PDS5A: variants seen among roughly 807,000 people sequenced by gnomAD.
PDS5A encodes the protein sister chromatid cohesion protein PDS5 homolog A.
Under a neutral mutation model 167.1 loss-of-function variants are expected in PDS5A, and 42 were observed. That is an observed-to-expected ratio of 0.25 (90% confidence interval 0.20 to 0.33). The LOEUF (loss-of-function observed/expected upper bound fraction) is 0.33, where lower values mean the gene tolerates loss of function less well. PDS5A is among the 10% of genes least tolerant of loss of function. The pLI is 1.00. For synonymous variants in PDS5A, 553 were observed against 554.6 expected, an observed-to-expected ratio of 1.00 and a Z score of 0.04; for missense variants, 1,033 against 1,605.9, an observed-to-expected ratio of 0.64 and a Z score of 6.10.
chr4:39,930,236 A>C lies in PDS5A; in HGVS notation c.139-2072T>G, dbSNP rs1463363350. Among the ~76,000 whole-genome samples the C allele has an allele frequency of 1.0e-3, 129 of 129,254 alleles. 5 individuals are homozygous for C. The highest frequency in any genetic ancestry group is 2.0e-3 in the Non-Finnish European group (116 of 57,112). 84.8% of individuals were successfully genotyped at this position (129,254 alleles called of 152,430 possible). The stretch of plus-strand genomic sequence containing the variant: ...ATCTCAAAAAAAAAAAAAAAAAAAA[A>C]AAAAAAAAAAGTTTTTTTGTTTTTT... On this transcript the variant is annotated intron_variant, in intron 2 of 32. Coordinates refer to ENST00000303538, the MANE Select transcript of PDS5A (RefSeq NM_001100399.2).
chr4:39,906,660 T>C (rs1723377029), intron 11 of PDS5A, among the ~76,000 whole-genome samples: 1 of 150,790 alleles, frequency 6.6e-6, no homozygotes, highest in African/African-American at 2.4e-5. Context: ...TGGGAGCCTG[T>C]AGTACCAGCT....
In PDS5A at chr4:39,845,803, TTAAGTAAATAA is replaced by T; in HGVS notation, c.3402+4_3402+14del. 7.2e-7 allele frequency: 1 copy of T among 1,393,744 alleles called. No homozygotes were observed. Among genetic ancestry groups the T allele is most frequent in the African/African-American group, 1.5e-5 (1 of 65,718 alleles). 86.3% of individuals were successfully genotyped at this position (1,393,744 alleles called of 1,614,324 possible). ...ACATGAAACAAAGATCTCAAAATTA[TTAAGTAAATAA>T]TACCTTTCCTGTTAACAGAAGTACT... is the stretch of plus-strand genomic sequence containing the variant. On this transcript the variant is annotated splice_donor_5th_base_variant and intron_variant, in intron 29 of 32. Transcript: ENST00000303538.
intron 2 of PDS5A, chr4:39,973,747 C>G (rs572988616): frequency 1.5e-6 from 2 of 1,290,622 alleles, no homozygotes; most frequent in Admixed American, 1.7e-5. Context: ...GGCAAGTGTA[C>G]GAGCTGTGCC....
At chr4:39,888,578 A>AT (rs1721687924) in intron 17 of PDS5A, among the ~76,000 whole-genome samples, 1 of 152,134 alleles carries the variant, frequency 6.6e-6, no homozygotes, top group South Asian at 2.1e-4. Context: ...AATGTGGTAT[A>AT]TATGTACAAT....
At chr4:39,971,135 G>A (rs763315199) in intron 2 of PDS5A, among the ~76,000 whole-genome samples, 7 of 151,374 alleles carry the variant, frequency 4.6e-5, no homozygotes, top group Admixed American at 1.3e-4. Context: ...CTTTGTAATT[G>A]CCTTTAAGAT....
chr4:39,964,360 A>G (rs1413632215), intron 2 of PDS5A, among the ~76,000 whole-genome samples: 1 of 152,162 alleles, frequency 6.6e-6, no homozygotes, highest in African/African-American at 2.4e-5. Context: ...AATAAGGGGG[A>G]TGTATTTCTC....
chr4:39,884,253 G>A (rs189993805), intron 17 of PDS5A, among the ~76,000 whole-genome samples: 53 of 152,148 alleles, frequency 3.5e-4, no homozygotes, highest in African/African-American at 1.2e-3. Flanking sequence ...CAAGATTGGC[G>A]CTGTCTACAC....
In PDS5A at chr4:39,874,416, C is replaced by CA; in HGVS notation, c.2154-5dup. The stretch of plus-strand genomic sequence containing the variant: ...ATGTAAAATGGGAATTAAGGTCCTG[C>CA]AAAAAATAATATAGTTGTTTTTTTT... On this transcript the variant is annotated splice_polypyrimidine_tract_variant and splice_region_variant and intron_variant, in intron 19 of 32. Coordinates refer to ENST00000303538, the MANE Select transcript of PDS5A (RefSeq NM_001100399.2). 6.2e-7 allele frequency: 1 copy of CA among 1,605,904 alleles called. No homozygotes were observed.
intron 13 of PDS5A, among the ~76,000 whole-genome samples, chr4:39,901,841 AAAAAAAAAATCTAT>A (rs1156655521): frequency 6.9e-6 from 1 of 145,580 alleles, no homozygotes; most frequent in Non-Finnish European, 1.6e-5. Flanking sequence ...CATTTACTTT[AAAAAAAAAATCTAT>A]TAAAGTGAAA....
At chr4:39,852,465 CTG>C (rs1560427450) in intron 26 of PDS5A, among the ~76,000 whole-genome samples, 1 of 152,074 alleles carries the variant, frequency 6.6e-6, no homozygotes, top group East Asian at 1.9e-4. Context: ...TATCTTTTCA[CTG>C]AACTCTCTAG....
intron 22 of PDS5A, chr4:39,868,846 A>T: frequency 1.7e-5 from 6 of 351,342 alleles, no homozygotes; most frequent in South Asian, 1.3e-4. Context: ...ACACAAAGTG[A>T]AACAGATTAT....
In PDS5A at chr4:39,966,896, G is replaced by A. The variant is rs1265154719; in HGVS notation, c.138+9544C>T. Among the ~76,000 whole-genome samples the A allele has an allele frequency of 4.6e-5, 4 of 87,530 alleles. No homozygotes were observed. The South Asian group carries it at 1.9e-3, about 41-fold the overall frequency. 57.4% of individuals were successfully genotyped at this position (87,530 alleles called of 152,430 possible). A position where few individuals can be genotyped will look rare whatever the true frequency, so the allele number is the denominator to read the frequency against. ...TGCCTGTAATCCCAGTTACTCGGGA[G>A]GCTGAGGCAGAATTGCTTGAACCTG... On this transcript the variant is annotated intron_variant, in intron 2 of 32. Transcript: ENST00000303538.
At chr4:39,959,803 A>C (rs1196465434) in intron 2 of PDS5A, among the ~76,000 whole-genome samples, 9 of 151,910 alleles carry the variant, frequency 5.9e-5, no homozygotes, top group Non-Finnish European at 1.3e-4. Context: ...GAAAATACAA[A>C]AATTAGGCCA....
At chr4:39,842,477 G>A (rs1197911493) in intron 30 of PDS5A, among the ~76,000 whole-genome samples, 1 of 152,118 alleles carries the variant, frequency 6.6e-6, no homozygotes, top group Non-Finnish European at 1.5e-5. Context: ...TATTTGGTAG[G>A]TATTTGAGGC....
chr4:39,931,322 T>G (rs1726043937), intron 2 of PDS5A, among the ~76,000 whole-genome samples: 1 of 152,162 alleles, frequency 6.6e-6, no homozygotes, highest in African/African-American at 2.4e-5. Flanking sequence ...AAAAAATTTT[T>G]TTTAATTATT....
chr4:39,952,198 G>A (rs1490663244), intron 2 of PDS5A, among the ~76,000 whole-genome samples: 1 of 152,076 alleles, frequency 6.6e-6, no homozygotes. Flanking sequence ...GGGTATGGTG[G>A]CATGTGCCTG....
At position 39,867,001 on chromosome 4, in the gene PDS5A, T is replaced by C. The variant is rs757573530; in HGVS notation, c.2506-4A>G. On this transcript the variant is annotated splice_polypyrimidine_tract_variant and splice_region_variant and intron_variant, in intron 22 of 32. Transcript: ENST00000303538. The stretch of plus-strand genomic sequence containing the variant: ...CCAGAAGTTTAATTGCCTGTACCTA[T>C]AAAATATTAACATGCTAAAAAAAGA... 8 of 1,585,224 alleles carry C rather than the reference T, an allele frequency of 5.0e-6. No individual in the cohort carries two copies. Among genetic ancestry groups the C allele is most frequent in the Non-Finnish European group, 6.8e-6 (8 of 1,169,238 alleles).
chr4:39,887,961 G>C (rs1485401163), intron 17 of PDS5A, among the ~76,000 whole-genome samples: 1 of 151,980 alleles, frequency 6.6e-6, no homozygotes, highest in East Asian at 1.9e-4. Context: ...ATTTAAAAGT[G>C]GGAAAACAGG....
In PDS5A at chr4:39,908,416, C is replaced by T; in HGVS notation, c.1212G>A (p.Arg404=). 6.2e-7 allele frequency: 1 copy of T among 1,613,280 alleles called. No homozygotes were observed. The highest frequency in any genetic ancestry group is 8.5e-7 in the Non-Finnish European group (1 of 1,179,462). Residue 404 remains arginine, a synonymous_variant, in exon 11 of 33, where the codon AGG becomes AGA. Coordinates refer to ENST00000303538, the MANE Select transcript of PDS5A (RefSeq NM_001100399.2). ...TTACCCGTTTATCCAGTGTTCTTTC[C>T]CTTACAAAGCCAAGCAGCTGATCAT... ...LVNDQLLGFV[R]ERTLDKRWRV...
Sources: gnomAD v4.1 joint callset for allele counts (sites outside exome capture counted in the v4.1 genomes callset) on GRCh38, gnomAD v4.1.1 for gene constraint, MANE v1.5 for transcripts, NCBI Gene and HGNC (gene_info 2026-07-23, HGNC 2026-07-21) for gene names.